Variants in RASA3 observed in about 807,000 individuals in gnomAD.
The protein encoded by RASA3 is RAS p21 protein activator 3.
In RASA3, 73 loss-of-function variants were observed where a neutral mutation model predicts 110.0. The observed-to-expected ratio is 0.66, with a 90% confidence interval of 0.55 to 0.81. The LOEUF (loss-of-function observed/expected upper bound fraction) is 0.81. RASA3 is among the 30% of genes least tolerant of loss of function. RASA3 has a pLI of 0.00. For synonymous variants in RASA3, 500 were observed against 451.4 expected, an observed-to-expected ratio of 1.11 and a Z score of -1.37; for missense variants, 976 against 1,113.2, an observed-to-expected ratio of 0.88 and a Z score of 1.75.
chr13:114,052,200 T>A (rs770782500), intron 2 of RASA3, 45 bp from the exon 3 acceptor site: 243 of 1,355,156 alleles, frequency 1.8e-4, no homozygotes, highest in Middle Eastern at 1.8e-4. Context: ...AGGCCACGCT[T>A]GCGCCTCACC....
rs1343292935 is a variant in RASA3, at chr13:114,048,131, C to T, written c.277+3921G>A. Among the ~76,000 whole-genome samples, 7 of 152,052 alleles carry T rather than the reference C, an allele frequency of 4.6e-5. No individual in the cohort carries two copies. Among genetic ancestry groups the T allele is most frequent in the South Asian group, 2.1e-4 (1 of 4,808 alleles). The stretch of plus-strand genomic sequence containing the variant: ...GAGATAGAGACCACCTTGGCTAACA[C>T]GGTGAAACCCCGTCTCTACTGAAAA... On this transcript the variant is annotated intron_variant, in intron 3 of 23. Coordinates refer to ENST00000334062, the MANE Select transcript of RASA3 (RefSeq NM_007368.4). The surrounding 1 kb of genome is among the most constrained non-coding windows in gnomAD (Gnocchi z 4.3).
chr13:113,989,623 C>T (rs963219089), intron 22 of RASA3, among the ~76,000 whole-genome samples: 4 of 150,756 alleles, frequency 2.7e-5, no homozygotes, highest in African/African-American at 9.8e-5. Context: ...TCACCCTGTC[C>T]ATCCATCCAT....
chr13:114,108,375 AC>A (rs1266629589), intron 1 of RASA3, among the ~76,000 whole-genome samples: 1 of 47,500 alleles, frequency 2.1e-5, no homozygotes, highest in Non-Finnish European at 4.2e-5. Context: ...CGCGTCCATC[AC>A]CCCCATCCGT....
rs947335285 is a variant in RASA3, at chr13:113,979,244, A to G, written c.*103T>C. On this transcript the variant is annotated 3_prime_UTR_variant, in exon 24 of 24. Coordinates refer to ENST00000334062, the MANE Select transcript of RASA3 (RefSeq NM_007368.4). ...TTGTCTATGGGCCGGGACGGCGTGCATCTCACTTTGCCGGCTCTGCGCTCT... is the reference window on the plus strand; with the variant it reads ...TTGTCTATGGGCCGGGACGGCGTGCGTCTCACTTTGCCGGCTCTGCGCTCT... 1.5e-5 allele frequency: 18 copies of G among 1,162,672 alleles called. No homozygotes were observed. Among genetic ancestry groups the G allele is most frequent in the African/African-American group, 3.0e-5 (2 of 65,742 alleles). The allele number at this position is 1,162,672 out of a possible 1,614,324, so 72.0% of individuals were successfully genotyped here.
chr13:114,110,091 C>G (rs369894563), intron 1 of RASA3, among the ~76,000 whole-genome samples: 12 of 152,348 alleles, frequency 7.9e-5, no homozygotes, highest in African/African-American at 2.9e-4. Context: ...GTGGCTGCAG[C>G]CTGGGTGGTT....
intron 2 of RASA3, among the ~76,000 whole-genome samples, 173 bp downstream of exon 2, chr13:114,073,547 G>C (rs2079614984): frequency 6.6e-6 from 1 of 151,168 alleles, no homozygotes; most frequent in Non-Finnish European, 1.5e-5. Context: ...TACACGCTCG[G>C]GACATTGTCT....
chr13:114,065,682 G>A lies in RASA3; in HGVS notation c.173+8038C>T, dbSNP rs2079435231. Among the ~76,000 whole-genome samples, 1 of 152,058 alleles carries A rather than the reference G, an allele frequency of 6.6e-6. No homozygotes were observed. The highest frequency in any genetic ancestry group is 1.5e-5 in the Non-Finnish European group (1 of 67,980). On this transcript the variant is annotated intron_variant, in intron 2 of 23. Coordinates refer to ENST00000334062, the MANE Select transcript of RASA3 (RefSeq NM_007368.4). This position sits in a 1 kb window ranked among gnomAD's most constrained non-coding sequence, Gnocchi z 4.1. The stretch of plus-strand genomic sequence containing the variant: ...AATGGGGGTCCGCGGTCAGCTCATA[G>A]CCCACCCGCCACCCAGCACTGCAGG...
chr13:114,058,235 T>G (rs756535631), intron 2 of RASA3, among the ~76,000 whole-genome samples: 1 of 151,588 alleles, frequency 6.6e-6, no homozygotes, highest in Non-Finnish European at 1.5e-5. Flanking sequence ...ATGAGCCCCA[T>G]GGAGACCACC....
Position 114,056,376 on chromosome 13 carries a change from A to C in RASA3, c.174-4221T>G. On this transcript the variant is annotated intron_variant, in intron 2 of 23. Coordinates refer to ENST00000334062, the MANE Select transcript of RASA3 (RefSeq NM_007368.4). This position sits in a 1 kb window ranked among gnomAD's most constrained non-coding sequence, Gnocchi z 5.7. ...AACGGGCGCCGCGCACCTGGCATTTAACCCTGCACACTTCCTCACCACCCT... is the reference window on the plus strand; with the variant it reads ...AACGGGCGCCGCGCACCTGGCATTTCACCCTGCACACTTCCTCACCACCCT... 4.4e-6 allele frequency: 4 copies of C among 916,888 alleles called. No individual in the cohort carries two copies. The highest frequency in any genetic ancestry group is 5.2e-6 in the Non-Finnish European group (4 of 767,550). The allele number at this position is 916,888 out of a possible 1,614,324, so 56.8% of individuals were successfully genotyped here. A position where few individuals can be genotyped will look rare whatever the true frequency, so the allele number is the denominator to read the frequency against.
chr13:114,100,157 C>G (rs531977583), intron 1 of RASA3, among the ~76,000 whole-genome samples: 6 of 151,360 alleles, frequency 4.0e-5, no homozygotes, highest in Non-Finnish European at 5.9e-5. Flanking sequence ...AGGAAGACGC[C>G]GAATGGTAAA....
Position 114,048,806 on chromosome 13 carries a change from C to G in RASA3, c.277+3246G>C, listed in dbSNP as rs2079097027. Reference sequence around the variant, plus strand: ...CTACGGTCACGCCGCCCGGGACCCGCCGACACTGGACACTTCTCCTGCTCC... The same window carrying G: ...CTACGGTCACGCCGCCCGGGACCCGGCGACACTGGACACTTCTCCTGCTCC... On this transcript the variant is annotated intron_variant, in intron 3 of 23. Transcript: ENST00000334062. The surrounding 1 kb of genome is among the most constrained non-coding windows in gnomAD (Gnocchi z 4.3). Among the ~76,000 whole-genome samples the G allele has an allele frequency of 6.6e-6, 1 of 152,180 alleles. No homozygotes were observed. The highest frequency in any genetic ancestry group is 2.4e-5 in the African/African-American group (1 of 41,452).
In RASA3 at chr13:114,115,809, G is replaced by A. The variant is rs1332620129; in HGVS notation, c.55+16626C>T. 6.6e-6 allele frequency among the ~76,000 whole-genome samples: 1 copy of A among 152,210 alleles called. No homozygotes were observed. The highest frequency in any genetic ancestry group is 1.5e-5 in the Non-Finnish European group (1 of 68,036). On this transcript the variant is annotated intron_variant, in intron 1 of 23. Coordinates refer to ENST00000334062, the MANE Select transcript of RASA3 (RefSeq NM_007368.4). The surrounding 1 kb of genome is among the most constrained non-coding windows in gnomAD (Gnocchi z 5.0). ...CGCCTTCTCAGTCTCCTGTAACGAC[G>A]TTGCTACAGATGTATGTGTTTGTGT...
At position 114,014,393 on chromosome 13, in the gene RASA3, T is replaced by A. The variant is rs2382877; in HGVS notation, c.1405+816A>T. 0.7 allele frequency among the ~76,000 whole-genome samples: 106,617 copies of A among 152,044 alleles called. 38,115 individuals carry two copies. Among genetic ancestry groups the A allele is most frequent in the African/African-American group, 0.85 (35,414 of 41,518 alleles). ...GTCTGACTGTCTGATGTCCTGAGAA[T>A]CAGGGGTGGGGACAGCGTTTGTCTC... On this transcript the variant is annotated intron_variant, in intron 14 of 23. Transcript: ENST00000334062. The surrounding 1 kb of genome is among the most constrained non-coding windows in gnomAD (Gnocchi z 4.5).
intron 3 of RASA3, among the ~76,000 whole-genome samples, chr13:114,045,376 T>G (rs999041708): frequency 6.6e-6 from 1 of 152,174 alleles, no homozygotes; most frequent in African/African-American, 2.4e-5. Flanking sequence ...GCATCTGTGC[T>G]GGCCAGGCCC....
chr13:114,041,704 C>A (rs9525347), intron 3 of RASA3, among the ~76,000 whole-genome samples: 3 of 152,222 alleles, frequency 2.0e-5, no homozygotes, highest in Non-Finnish European at 2.9e-5. Context: ...TGGACACGCA[C>A]GTGTGTGCAT....
Position 114,017,469 on chromosome 13 carries a change from C to T in RASA3, c.1092-118G>A, listed in dbSNP as rs757659719. 487 of 802,532 alleles carry T rather than the reference C, an allele frequency of 6.1e-4. 1 individual carries two copies. Among genetic ancestry groups the T allele is most frequent in the Middle Eastern group, 1.4e-3 (6 of 4,172 alleles). 49.7% of individuals were successfully genotyped at this position (802,532 alleles called of 1,614,324 possible). ...GTGAGGTCAGTGCACGCCCATCAGT[C>T]GGCTTCCTGACATTTTACAAGGAGC... On this transcript the variant is annotated intron_variant, in intron 11 of 23. Coordinates refer to ENST00000334062, the MANE Select transcript of RASA3 (RefSeq NM_007368.4).
chr13:113,982,313 C>T (rs2139043794), intron 22 of RASA3, among the ~76,000 whole-genome samples: 1 of 152,340 alleles, frequency 6.6e-6, no homozygotes, highest in South Asian at 2.1e-4. Context: ...GGGTTCAGCA[C>T]ATTTCACACC....
rs1177766822 is a variant in RASA3, at chr13:114,132,435, C to A, written c.55G>T (p.Gly19Cys). 2 of 1,526,918 alleles carry A rather than the reference C, an allele frequency of 1.3e-6. No individual in the cohort carries two copies. The highest frequency in any genetic ancestry group is 2.4e-5 in the South Asian group (2 of 82,424). 94.6% of individuals were successfully genotyped at this position (1,526,918 alleles called of 1,614,324 possible). Residue 19 changes from glycine (G) to cysteine (C), a missense_variant and splice_region_variant, in exon 1 of 24, where the codon GGT becomes TGT. Physicochemically the swap from Gly to Cys is radical, Grantham distance 159. Coordinates refer to ENST00000334062, the MANE Select transcript of RASA3 (RefSeq NM_007368.4). ...CGCGTGGCTGCCGGCGGACACTCACCGATCTTGATCTTCACGCTCTGGAAG... is the reference window on the plus strand; with the variant it reads ...CGCGTGGCTGCCGGCGGACACTCACAGATCTTGATCTTCACGCTCTGGAAG... ...RVFQSVKIKI[G>C]EAKNLPSYPG...
Position 114,096,416 on chromosome 13 carries a change from G to A in RASA3, c.56-22579C>T, listed in dbSNP as rs2079945518. 6.6e-6 allele frequency among the ~76,000 whole-genome samples: 1 copy of A among 152,082 alleles called. No individual in the cohort carries two copies. Among genetic ancestry groups the A allele is most frequent in the South Asian group, 2.1e-4 (1 of 4,824 alleles). ...CGCCCGGCTCGGAACCCTGTGCATT[G>A]CCCATCTGTGAGCCGACCTCCTGCC... On this transcript the variant is annotated intron_variant, in intron 1 of 23. Coordinates refer to ENST00000334062, the MANE Select transcript of RASA3 (RefSeq NM_007368.4). The surrounding 1 kb of genome is among the most constrained non-coding windows in gnomAD (Gnocchi z 5.1).
Sources: allele counts gnomAD v4.1 joint callset (sites outside exome capture counted in the v4.1 genomes callset), GRCh38; gene constraint gnomAD v4.1.1; non-coding constraint Gnocchi (gnomAD v3.1); transcripts MANE v1.5; gene names NCBI Gene and HGNC (gene_info 2026-07-23, HGNC 2026-07-21).